Variants in CROCC2 observed in about 807,000 individuals in gnomAD.
CROCC2 encodes ciliary rootlet coiled-coil, rootletin family member 2.
CROCC2 carries 163 observed loss-of-function variants against 177.6 expected under a neutral mutation model. The ratio of observed to expected loss-of-function variants is 0.92; its 90% CI spans 0.81 to 1.05. CROCC2 has a LOEUF of 1.05. Among genes scored for constraint, CROCC2 ranks in the 50% least tolerant of loss-of-function variants. The probability of loss-of-function intolerance (pLI) is 0.00; values close to 1 mark genes in which losing one functional copy is unlikely to be tolerated. For missense variants in CROCC2, 1,929 were observed against 1,797.8 expected (o/e 1.07, Z -1.32); for synonymous variants, 904 against 787.3 (o/e 1.15, Z -2.48).
intron 27 of CROCC2, among the ~76,000 whole-genome samples, chr2:240,981,121 G>T (rs4675838): frequency 9.8e-6 from 1 of 102,204 alleles, no homozygotes; most frequent in Non-Finnish European, 2.0e-5. Flanking sequence ...AGGAGCCTCA[G>T]GATCCCAGGC....
chr2:240,929,341 G>A (rs932167366), intron 5 of CROCC2, among the ~76,000 whole-genome samples: 4 of 152,136 alleles, frequency 2.6e-5, no homozygotes, highest in African/African-American at 4.8e-5. Flanking sequence ...TCACAGGCAG[G>A]CAGAGGTGGT....
chr2:240,921,720 C>T (rs1332991722), intron 3 of CROCC2, among the ~76,000 whole-genome samples: 1 of 152,204 alleles, frequency 6.6e-6, no homozygotes, highest in Non-Finnish European at 1.5e-5. Context: ...GGTGGCACCC[C>T]CAGACCCCGC....
intron 28 of CROCC2, among the ~76,000 whole-genome samples, chr2:240,987,675 C>A (rs1432885029): frequency 6.6e-6 from 1 of 152,268 alleles, no homozygotes; most frequent in Non-Finnish European, 1.5e-5. Flanking sequence ...AGGTCTGCTG[C>A]CCAATCCTGG....
At chr2:240,951,579 C>T (rs2059557185) in intron 18 of CROCC2, among the ~76,000 whole-genome samples, 1 of 152,162 alleles carries the variant, frequency 6.6e-6, no homozygotes, top group South Asian at 2.1e-4. Context: ...CATCCACACA[C>T]CTCACCATCC....
At position 240,935,525 on chromosome 2, in the gene CROCC2, G is replaced by T; in HGVS notation, c.2106G>T (p.Gln702His). ...GACGCCTGGAGCAGCGGCAGGAGCA[G>T]CTGGAGGGGCAGGCAGCCCTGCTGG... ...ACGRLEQRQE[Q>H]LEGQAALLGR... The change falls in exon 14 of 32, where the codon CAG becomes CAT. Residue 702 changes from glutamine (Q) to histidine (H), a missense_variant. Around this residue, in one of 3 missense-constraint regions of CROCC2, gnomAD observed 1,397 missense variants for 1,239.9 expected, o/e 1.13. Coordinates refer to ENST00000690015, the MANE Select transcript of CROCC2 (RefSeq NM_001351305.2). 7.4e-7 allele frequency: 1 copy of T among 1,350,610 alleles called. No homozygotes were observed. The allele number at this position is 1,350,610 out of a possible 1,614,324, so 83.7% of individuals were successfully genotyped here. A position where few individuals can be genotyped will look rare whatever the true frequency, so the allele number is the denominator to read the frequency against.
intron 3 of CROCC2, among the ~76,000 whole-genome samples, chr2:240,921,858 C>G (rs144639864): frequency 3.2e-3 from 489 of 152,362 alleles, no homozygotes; most frequent in African/African-American, 0.011. Flanking sequence ...GCTGCCCTCC[C>G]CTCCACCCCT....
intron 28 of CROCC2, among the ~76,000 whole-genome samples, chr2:240,987,210 C>T (rs1470961390): frequency 6.6e-6 from 1 of 151,928 alleles, no homozygotes; most frequent in Admixed American, 6.5e-5. Context: ...TGCCCGGGGA[C>T]GCAGAGCCAG....
rs2059424323 is a variant in CROCC2 at position 240,930,842 on chromosome 2, G to T, written c.750-89G>T. 8.2e-6 allele frequency: 5 copies of T among 607,748 alleles called. No individual in the cohort carries two copies. The East Asian group carries it at 1.4e-4, about 17-fold the overall frequency. The allele number at this position is 607,748 out of a possible 1,614,324, so 37.6% of individuals were successfully genotyped here. ...GGGGCTTCTCCTGACGATGGCCAAG[G>T]AGGGGGTCCTCTGTGGGGCTGATGG... On this transcript the variant is annotated intron_variant, in intron 6 of 31. Transcript: ENST00000690015.
chr2:240,944,131 A>C (rs1489867700), intron 14 of CROCC2, among the ~76,000 whole-genome samples: 1 of 152,222 alleles, frequency 6.6e-6, no homozygotes, highest in African/African-American at 2.4e-5. Flanking sequence ...TCAGAAATTT[A>C]ATGAAGTCAT....
chr2:240,935,099 C>A (rs750820605), intron 13 of CROCC2, 37 bp downstream of exon 13: 17 of 1,324,826 alleles, frequency 1.3e-5, no homozygotes, highest in African/African-American at 1.5e-5. Context: ...CTCGCTGGAA[C>A]CTGTTTCCCA....
chr2:240,940,380 T>C (rs1321537305), intron 14 of CROCC2, among the ~76,000 whole-genome samples: 2 of 152,198 alleles, frequency 1.3e-5, no homozygotes, highest in Non-Finnish European at 2.9e-5. Context: ...TGATATCTAC[T>C]TTTTTGATAC....
At chr2:240,910,592 C>A (rs1559586219) in intron 1 of CROCC2, among the ~76,000 whole-genome samples, 1 of 152,196 alleles carries the variant, frequency 6.6e-6, no homozygotes, top group Non-Finnish European at 1.5e-5. Flanking sequence ...GGGTCTGGAA[C>A]CCCAGTCCTG....
At chr2:240,975,897 T>G (rs1412741621) in intron 27 of CROCC2, among the ~76,000 whole-genome samples, 2 of 151,844 alleles carry the variant, frequency 1.3e-5, no homozygotes. Context: ...GCCCGGCTAA[T>G]TTTTTGTATT....
chr2:240,989,539 C>G (rs2059863022), intron 29 of CROCC2, 115 bp from the exon 30 acceptor site: 13 of 1,006,396 alleles, frequency 1.3e-5, no homozygotes, highest in Non-Finnish European at 1.7e-5. Flanking sequence ...TCAACACCGG[C>G]AGAGGGCAGT....
rs985667632 is a variant in CROCC2, at chr2:240,946,131, C to T, written c.2241C>T (p.Gly747=). Residue 747 remains glycine (G), a synonymous_variant, in exon 15 of 32, where the codon GGC becomes GGT. Transcript: ENST00000690015. ...TGCAGGACCAGGAGGCCCAGATGGGCACTCTGCAGCAAGCCCTGCAAGGAA... is the reference window on the plus strand; with the variant it reads ...TGCAGGACCAGGAGGCCCAGATGGGTACTCTGCAGCAAGCCCTGCAAGGAA... The part of the protein sequence containing the change: ...QSLQDQEAQM[G]TLQQALQGKD... 3.1e-5 allele frequency: 48 copies of T among 1,546,734 alleles called. No individual in the cohort carries two copies. The highest frequency in any genetic ancestry group is 3.8e-5 in the Non-Finnish European group (44 of 1,143,954).
chr2:240,919,334 G>A (rs182187219), intron 2 of CROCC2, among the ~76,000 whole-genome samples: 61 of 152,254 alleles, frequency 4.0e-4, no homozygotes, highest in African/African-American at 1.4e-3. Context: ...TTCATTGGTG[G>A]TTTCTTCCTC....
intron 28 of CROCC2, among the ~76,000 whole-genome samples, chr2:240,986,776 C>A (rs1476462613): frequency 1.3e-5 from 2 of 152,234 alleles, no homozygotes; most frequent in Non-Finnish European, 2.9e-5. Flanking sequence ...GCTGGCCCTG[C>A]AGAGTGGGCT....
At chr2:240,930,693 G>T (rs2106459767) in intron 6 of CROCC2, among the ~76,000 whole-genome samples, 1 of 152,094 alleles carries the variant, frequency 6.6e-6, no homozygotes, top group Non-Finnish European at 1.5e-5. Flanking sequence ...GGCTCAGAGG[G>T]TCGATGACTC....
intron 28 of CROCC2, among the ~76,000 whole-genome samples, chr2:240,987,694 C>T (rs1272043212): frequency 6.6e-6 from 1 of 152,230 alleles, no homozygotes; most frequent in Non-Finnish European, 1.5e-5. Flanking sequence ...GGGCCAGGGC[C>T]AGCACCCGAC....
Sources: allele counts gnomAD v4.1 joint callset (sites outside exome capture counted in the v4.1 genomes callset), GRCh38; gene constraint gnomAD v4.1.1; regional missense constraint gnomAD v4.1.1; transcripts MANE v1.5; gene names NCBI Gene and HGNC (gene_info 2026-07-23, HGNC 2026-07-21).